The following FBN1 variants were observed in gnomAD, a reference collection of about 807,000 sequenced individuals.
FBN1 encodes fibrillin-1.
FBN1 carries 29 observed loss-of-function variants against 365.1 expected under a neutral mutation model. The ratio of observed to expected loss-of-function variants is 0.08; its 90% CI spans 0.06 to 0.11. The LOEUF (loss-of-function observed/expected upper bound fraction) is 0.11, where lower values mean the gene tolerates loss of function less well. FBN1 is among the 10% of genes least tolerant of loss of function. FBN1 has a pLI of 1.00. For synonymous variants in FBN1, 1,210 were observed against 1,270.5 expected (o/e 0.95, Z 1.01); for missense variants, 2,476 against 3,703.2 (o/e 0.67, Z 8.60).
chr15:48,608,905 T>G (rs890418409), intron 4 of FBN1, among the ~76,000 whole-genome samples: 3 of 152,234 alleles, frequency 2.0e-5, no homozygotes, highest in Admixed American at 6.5e-5. Context: ...GAAGTCATTA[T>G]CAGTTCACAT....
rs1297696298 is a variant in FBN1 at position 48,425,399 on chromosome 15, T to G, written c.7423A>C (p.Ile2475Leu). 6.2e-7 allele frequency: 1 copy of G among 1,614,218 alleles called. No homozygotes were observed. ...CAGCTCCTTCCATCCTCTTGCAGAA[T>G]GTAGCCTTTCGGGCATGAACACTGG... ...SYQCSCPKGY[I>L]LQEDGRSCKD... The change falls in exon 60 of 66, where the codon ATT (isoleucine) becomes CTT (leucine). Residue 2475 changes from isoleucine to leucine, a missense_variant. By Grantham distance (5) the Ile-to-Leu change is conservative (BLOSUM62 2). Transcript: ENST00000316623.
Position 48,623,281 on chromosome 15 carries a change from A to AC in FBN1, c.165-10190_165-10189insG, listed in dbSNP as rs1889804589. Among the ~76,000 whole-genome samples, 3 of 152,376 alleles carry AC rather than the reference A, an allele frequency of 2.0e-5. No homozygotes were observed. The South Asian group carries it at 6.2e-4, about 32-fold the overall frequency. On this transcript the variant is annotated intron_variant, in intron 2 of 65. Coordinates refer to ENST00000316623, the MANE Select transcript of FBN1 (RefSeq NM_000138.5). ...AATCTGTGCGATAGAATTATTTCTT[A>AC]TAAATTTATCTATTTAAAAGAAGAC...
intron 13 of FBN1, 43 bp from the exon 14 acceptor site, chr15:48,510,212 G>T (rs1263510996): frequency 6.2e-7 from 1 of 1,602,486 alleles, no homozygotes; most frequent in Admixed American, 1.7e-5. Context: ...TTATTTAGGG[G>T]AGTTAAAATT....
chr15:48,472,071 G>A (rs1194691264), intron 35 of FBN1, among the ~76,000 whole-genome samples: 4 of 152,184 alleles, frequency 2.6e-5, no homozygotes, highest in East Asian at 1.9e-4. Flanking sequence ...ACCATTCTAC[G>A]TATGGACAAG....
At chr15:48,471,736 T>C (rs2043378355) in intron 35 of FBN1, among the ~76,000 whole-genome samples, 1 of 152,240 alleles carries the variant, frequency 6.6e-6, no homozygotes, top group African/African-American at 2.4e-5. Context: ...AACTAATACA[T>C]TAATCAGGGT....
chr15:48,552,856 T>C (rs528655925), intron 6 of FBN1, among the ~76,000 whole-genome samples: 4 of 152,324 alleles, frequency 2.6e-5, no homozygotes, highest in South Asian at 4.1e-4. Flanking sequence ...GTAGGTCAAG[T>C]GCATAACCAA....
chr15:48,425,859 C>T lies in FBN1; in HGVS notation c.7210G>A (p.Asp2404Asn), dbSNP rs530059069. 62 of 1,607,226 alleles carry T rather than the reference C, an allele frequency of 3.9e-5. No homozygotes were observed. Among genetic ancestry groups the T allele is most frequent in the South Asian group, 2.8e-4 (25 of 90,820 alleles). Residue 2404 changes from aspartate (D) to asparagine (N), a missense_variant, in exon 59 of 66, where the codon GAT becomes AAT. This residue lies in a region of FBN1 where 1,780 missense variants were observed against 2,840.8 expected (regional missense o/e 0.63). Coordinates refer to ENST00000316623, the MANE Select transcript of FBN1 (RefSeq NM_000138.5). Reference sequence around the variant, plus strand: ...ACATCGTGAATAACCTTGCATTCATCGATATCTGTAATTTAACAAATATAA... The same window carrying T: ...ACATCGTGAATAACCTTGCATTCATTGATATCTGTAATTTAACAAATATAA... The part of the protein sequence containing the change: ...RGFMTNGADI[D>N]ECKVIHDVCR...
chr15:48,594,646 C>T (rs1477608887), intron 6 of FBN1, among the ~76,000 whole-genome samples: 1 of 152,162 alleles, frequency 6.6e-6, no homozygotes, highest in East Asian at 1.9e-4. Context: ...CAATATCATG[C>T]CCTTTATTTT....
At chr15:48,565,491 TA>T (rs1330888081) in intron 6 of FBN1, among the ~76,000 whole-genome samples, 2 of 152,046 alleles carry the variant, frequency 1.3e-5, no homozygotes, top group East Asian at 3.9e-4. Context: ...ATGTGTTAGT[TA>T]ATTAAAAACA....
intron 2 of FBN1, chr15:48,641,861 G>A (rs1358531703): frequency 6.6e-6 from 1 of 152,144 alleles, no homozygotes; most frequent in African/African-American, 2.4e-5. Context: ...AATAAGCAGA[G>A]GGAATAAATT....
At chr15:48,644,146 T>G in intron 2 of FBN1, 1 of 170,674 alleles carries the variant, frequency 5.9e-6, no homozygotes, top group Non-Finnish European at 1.3e-5. Context: ...TACGGAAGAG[T>G]CAACTACTGT....
At chr15:48,443,676 T>C (rs1336799875) in intron 49 of FBN1, among the ~76,000 whole-genome samples, 3 of 152,200 alleles carry the variant, frequency 2.0e-5, no homozygotes, top group African/African-American at 7.2e-5. Flanking sequence ...GTCAGGGGTG[T>C]GAACTAGGTG....
chr15:48,632,203 T>C (rs1020663166), intron 2 of FBN1, among the ~76,000 whole-genome samples: 2 of 152,216 alleles, frequency 1.3e-5, no homozygotes, highest in Non-Finnish European at 2.9e-5. Context: ...CTTTTGAACA[T>C]TTTAAAATTC....
chr15:48,410,944 A>G lies in FBN1; in HGVS notation c.*46T>C. On this transcript the variant is annotated 3_prime_UTR_variant, in exon 66 of 66. Coordinates refer to ENST00000316623, the MANE Select transcript of FBN1 (RefSeq NM_000138.5). The stretch of plus-strand genomic sequence containing the variant: ...ATTGGGGGAAAATATAGTTCTACCT[A>G]TCTATATTTGTTTTTCTTTTAATTA... The G allele has an allele frequency of 2.6e-6, 4 of 1,540,434 alleles. No individual in the cohort carries two copies. The highest frequency in any genetic ancestry group is 3.6e-6 in the Non-Finnish European group (4 of 1,119,224).
At chr15:48,627,631 T>G (rs1264161933) in intron 2 of FBN1, among the ~76,000 whole-genome samples, 1 of 149,294 alleles carries the variant, frequency 6.7e-6, no homozygotes, top group Non-Finnish European at 1.5e-5. Flanking sequence ...ATCCAGATGA[T>G]CTTCTAAAAA....
intron 32 of FBN1, among the ~76,000 whole-genome samples, chr15:48,475,530 C>T (rs2043412055): frequency 6.6e-6 from 1 of 152,190 alleles, no homozygotes; most frequent in South Asian, 2.1e-4. Context: ...GGGTTACCCT[C>T]ATAATCAACT....
chr15:48,430,852 G>A (rs537859069), intron 55 of FBN1, 50 bp from the exon 56 acceptor site: 1 of 1,583,176 alleles, frequency 6.3e-7, no homozygotes, highest in Admixed American at 1.7e-5. Flanking sequence ...GCATATATCT[G>A]CCTTAATTAC....
At position 48,537,727 on chromosome 15, in the gene FBN1, G is replaced by A. The variant is rs202002133; in HGVS notation, c.620C>T (p.Thr207Met). 1.4e-5 allele frequency: 22 copies of A among 1,614,212 alleles called. No homozygotes were observed. The highest frequency in any genetic ancestry group is 2.7e-5 in the African/African-American group (2 of 75,052). The change falls in exon 7 of 66, where the codon ACG becomes ATG. Residue 207 changes from threonine to methionine, a missense_variant. Physicochemically the swap from Thr to Met is moderately conservative, Grantham distance 81. Around this residue, in one of 5 missense-constraint regions of FBN1, gnomAD observed 421 missense variants for 520.1 expected, o/e 0.81. Transcript: ENST00000316623. ...GQLSGIVCTK[T>M]LCCATVGRAW... ...TCGGCCGACTGTGGCACAGCAGAGC[G>A]TTTTTGTGCAGACAATCCCGCTGAG...
In FBN1 at chr15:48,491,198, T is replaced by C. The variant is rs11856270; in HGVS notation, c.2855-1120A>G. 4.2e-3 allele frequency among the ~76,000 whole-genome samples: 642 copies of C among 152,350 alleles called. 5 individuals carry two copies. The highest frequency in any genetic ancestry group is 6.8e-3 in the Middle Eastern group (2 of 294). ...GAATAGCATTAACTGACATCCTTAA[T>C]TACAAAAATACTTTTGGCTTTGAAT... On this transcript the variant is annotated intron_variant, in intron 24 of 65. Coordinates refer to ENST00000316623, the MANE Select transcript of FBN1 (RefSeq NM_000138.5).
Sources: gnomAD v4.1 joint callset for allele counts (sites outside exome capture counted in the v4.1 genomes callset) on GRCh38, gnomAD v4.1.1 for gene constraint, gnomAD v4.1.1 regional missense constraint, MANE v1.5 for transcripts, NCBI Gene and HGNC (gene_info 2026-07-23, HGNC 2026-07-21) for gene names.